CELSR2: variants seen among roughly 807,000 people sequenced by gnomAD.
CELSR2 encodes EGF-like protein 2.
A neutral mutation model predicts 251.6 loss-of-function variants in CELSR2; 81 were observed. That is an observed-to-expected ratio of 0.32 (90% CI 0.27 to 0.39). The LOEUF (loss-of-function observed/expected upper bound fraction) is 0.39. Among genes scored for constraint, CELSR2 ranks in the 10% least tolerant of loss-of-function variants. CELSR2 has a pLI of 1.00. For synonymous variants in CELSR2, 1,721 were observed against 1,670.5 expected, an observed-to-expected ratio of 1.03 and a Z score of -0.74; for missense variants, 3,365 against 3,947.7, an observed-to-expected ratio of 0.85 and a Z score of 3.96.
Position 109,274,242 on chromosome 1 carries a change from C to A in CELSR2, c.*193C>A, listed in dbSNP as rs897232505. 232 of 1,283,050 alleles carry A rather than the reference C, an allele frequency of 1.8e-4. 1 individual carries two copies. The highest frequency in any genetic ancestry group is 2.3e-4 in the Non-Finnish European group (220 of 973,224). The allele number at this position is 1,283,050 out of a possible 1,614,324, so 79.5% of individuals were successfully genotyped here. A position where few individuals can be genotyped will look rare whatever the true frequency, so the allele number is the denominator to read the frequency against. ...CACCTAAGGCCATCTAGTGCCAACT[C>A]CCCCCCCACCATTCCCCTCACTGCA... On this transcript the variant is annotated 3_prime_UTR_variant, in exon 34 of 34. Transcript: ENST00000271332.
In CELSR2 at chr1:109,269,046, C is replaced by A. The variant is rs1227125524; in HGVS notation, c.6631+38C>A. ...CATGGATTGAGTTGGGAGCTGGACCCCAGTGTCTGTGCAGACTCCACAGAG... is the reference window on the plus strand; with the variant it reads ...CATGGATTGAGTTGGGAGCTGGACCACAGTGTCTGTGCAGACTCCACAGAG... On this transcript the variant is annotated intron_variant, in intron 19 of 33. Transcript: ENST00000271332. This position sits in a 1 kb window ranked among gnomAD's most constrained non-coding sequence, Gnocchi z 6.4. The A allele has an allele frequency of 6.2e-7, 1 of 1,601,078 alleles. No individual in the cohort carries two copies. The highest frequency in any genetic ancestry group is 2.2e-5 in the East Asian group (1 of 44,536).
At chr1:109,259,987 T>G (rs990165786) in intron 2 of CELSR2, among the ~76,000 whole-genome samples, 12 of 152,180 alleles carry the variant, frequency 7.9e-5, no homozygotes, top group African/African-American at 2.4e-4. Flanking sequence ...GCCCTGCTCC[T>G]TGTCCTCCAG....
chr1:109,269,022 A>G lies in CELSR2; in HGVS notation c.6631+14A>G. 6.2e-7 allele frequency: 1 copy of G among 1,606,854 alleles called. No individual in the cohort carries two copies. Among genetic ancestry groups the G allele is most frequent in the Non-Finnish European group, 8.5e-7 (1 of 1,174,608 alleles). Reference sequence around the variant, plus strand: ...CTGTCTTCAGAGGTCAGTGGTGGCCATGGATTGAGTTGGGAGCTGGACCCC... The same window carrying G: ...CTGTCTTCAGAGGTCAGTGGTGGCCGTGGATTGAGTTGGGAGCTGGACCCC... On this transcript the variant is annotated intron_variant, in intron 19 of 33. Coordinates refer to ENST00000271332, the MANE Select transcript of CELSR2 (RefSeq NM_001408.3). The surrounding 1 kb of genome is among the most constrained non-coding windows in gnomAD (Gnocchi z 6.4).
At position 109,252,973 on chromosome 1, in the gene CELSR2, T is replaced by C; in HGVS notation, c.2894T>C (p.Ile965Thr). The C allele has an allele frequency of 1.2e-6, 2 of 1,612,582 alleles. No homozygotes were observed. Among genetic ancestry groups the C allele is most frequent in the Non-Finnish European group, 1.7e-6 (2 of 1,179,166 alleles). Residue 965 changes from isoleucine (I) to threonine (T), a missense_variant, in exon 1 of 34, where the codon ATC becomes ACC. Coordinates refer to ENST00000271332, the MANE Select transcript of CELSR2 (RefSeq NM_001408.3). This position sits in a 1 kb window ranked among gnomAD's most constrained non-coding sequence, Gnocchi z 4.8. ...QIMYQIVEGNIPEVFQLDIFS... is the reference protein window; with the variant it reads ...QIMYQIVEGNTPEVFQLDIFS... Reference sequence around the variant, plus strand: ...ATGTACCAGATTGTGGAGGGCAACATCCCTGAGGTCTTTCAGCTGGACATC... The same window carrying C: ...ATGTACCAGATTGTGGAGGGCAACACCCCTGAGGTCTTTCAGCTGGACATC...
At chr1:109,263,416 A>G in intron 8 of CELSR2, 149 bp downstream of exon 8, 1 of 1,391,886 alleles carries the variant, frequency 7.2e-7, no homozygotes, top group Non-Finnish European at 9.6e-7. Flanking sequence ...AGGGCAACAC[A>G]GGAGACAAAG....
Position 109,250,622 on chromosome 1 carries a change from C to T in CELSR2, c.543C>T (p.Phe181=). ...RKRNVNTAPQ[F]QPPSYQATVP... ...GGAATGTAAATACAGCCCCCCAGTTCCAGCCCCCCAGCTACCAGGCCACAG... is the reference window on the plus strand; with the variant it reads ...GGAATGTAAATACAGCCCCCCAGTTTCAGCCCCCCAGCTACCAGGCCACAG... Residue 181 remains phenylalanine, a synonymous_variant, in exon 1 of 34, where the codon TTC becomes TTT. Transcript: ENST00000271332. The surrounding 1 kb of genome is among the most constrained non-coding windows in gnomAD (Gnocchi z 4.4). 1 of 1,613,956 alleles carries T rather than the reference C, an allele frequency of 6.2e-7. No individual in the cohort carries two copies. Among genetic ancestry groups the T allele is most frequent in the South Asian group, 1.1e-5 (1 of 91,062 alleles).
At chr1:109,263,031 G>T in intron 7 of CELSR2, 62 bp downstream of exon 7, 2 of 1,591,568 alleles carry the variant, frequency 1.3e-6, no homozygotes, top group Non-Finnish European at 1.7e-6. Flanking sequence ...GGCTGTGCCT[G>T]GTGTGAGGAT....
rs1200853070 is a variant in CELSR2 at position 109,274,167 on chromosome 1, C to G, written c.*118C>G. The G allele has an allele frequency of 2.4e-5, 38 of 1,598,420 alleles. No individual in the cohort carries two copies. Among genetic ancestry groups the G allele is most frequent in the Non-Finnish European group, 2.8e-5 (33 of 1,174,688 alleles). On this transcript the variant is annotated 3_prime_UTR_variant, in exon 34 of 34. Transcript: ENST00000271332. ...CCCCATCGCCTGCCCGCAGCAGCGA[C>G]GAAACGTCCATCTGAGGAGCCTGGG...
Position 109,252,661 on chromosome 1 carries a change from A to G in CELSR2, c.2582A>G (p.Asp861Gly), listed in dbSNP as rs377135836. The change falls in exon 1 of 34, where the codon GAC becomes GGC. Residue 861 changes from aspartate to glycine, a missense_variant. By Grantham distance (94) the Asp-to-Gly change is moderately conservative. Around this residue, in one of 5 missense-constraint regions of CELSR2, gnomAD observed 505 missense variants for 660.0 expected, o/e 0.77. Transcript: ENST00000271332. The surrounding 1 kb of genome is among the most constrained non-coding windows in gnomAD (Gnocchi z 4.8). ...FYTFQGGDDG[D>G]GDFIVESTSG... ...ACCTTCCAAGGAGGCGACGATGGAGACGGTGACTTTATTGTTGAGTCCACG... is the reference window on the plus strand; with the variant it reads ...ACCTTCCAAGGAGGCGACGATGGAGGCGGTGACTTTATTGTTGAGTCCACG... The G allele has an allele frequency of 3.7e-6, 6 of 1,613,744 alleles. No individual in the cohort carries two copies. The highest frequency in any genetic ancestry group is 1.6e-4 in the Middle Eastern group (1 of 6,084).
chr1:109,249,922 G>T lies in CELSR2; in HGVS notation c.-158G>T. 3 of 586,410 alleles carry T rather than the reference G, an allele frequency of 5.1e-6. No individual in the cohort carries two copies. Among genetic ancestry groups the T allele is most frequent in the East Asian group, 5.4e-5 (1 of 18,382 alleles). 36.3% of individuals were successfully genotyped at this position (586,410 alleles called of 1,614,324 possible). On this transcript the variant is annotated 5_prime_UTR_variant, in exon 1 of 34. Coordinates refer to ENST00000271332, the MANE Select transcript of CELSR2 (RefSeq NM_001408.3). ...GGCTCGTCGGAGGGTGCAGCGCGGG[G>T]TCCCGCCGAGCCATCCAGACGCAGG...
rs747905173 is a variant in CELSR2 at position 109,264,563 on chromosome 1, A to G, written c.5399A>G (p.Asn1800Ser). 3 of 1,614,018 alleles carry G rather than the reference A, an allele frequency of 1.9e-6. No homozygotes were observed. Among genetic ancestry groups the G allele is most frequent in the African/African-American group, 2.7e-5 (2 of 74,916 alleles). The change falls in exon 11 of 34, where the codon AAC (asparagine) becomes AGC (serine). Residue 1800 changes from asparagine to serine, a missense_variant. Physicochemically the swap from Asn to Ser is conservative, Grantham distance 46. Around this residue, in one of 5 missense-constraint regions of CELSR2, gnomAD observed 2,093 missense variants for 2,382.8 expected, o/e 0.88. Transcript: ENST00000271332. Reference sequence around the variant, plus strand: ...AGCCTGCCTGACCCTTGTGACTCAAACCCGTGTCCTGCTAACAGCTATTGC... The same window carrying G: ...AGCCTGCCTGACCCTTGTGACTCAAGCCCGTGTCCTGCTAACAGCTATTGC... ...GCSLPDPCDS[N>S]PCPANSYCSN...
At chr1:109,263,546 G>C in intron 8 of CELSR2, 65 bp from the exon 9 acceptor site, 1 of 1,581,112 alleles carries the variant, frequency 6.3e-7, no homozygotes, top group East Asian at 2.2e-5. Context: ...CCACCGCTGA[G>C]CATCACAGCC....
At chr1:109,266,026 G>A in intron 14 of CELSR2, 79 bp from the exon 15 acceptor site, 2 of 1,591,224 alleles carry the variant, frequency 1.3e-6, no homozygotes, top group South Asian at 2.3e-5. Context: ...GCCTGGGGAG[G>A]CCTAGGGAGG....
chr1:109,265,961 C>G, intron 14 of CELSR2, 43 bp downstream of exon 14: 1 of 1,593,504 alleles, frequency 6.3e-7, no homozygotes, highest in Non-Finnish European at 8.6e-7. Flanking sequence ...TTACAGTGTG[C>G]TAGGCACCTG....
chr1:109,266,909 G>A (rs1557734700), intron 15 of CELSR2, among the ~76,000 whole-genome samples: 1 of 150,724 alleles, frequency 6.6e-6, no homozygotes. Context: ...TTTTAGTAGA[G>A]ACAGGGTTTC....
Position 109,250,893 on chromosome 1 carries a change from C to G in CELSR2, c.814C>G (p.Leu272Val). 6.2e-7 allele frequency: 1 copy of G among 1,614,002 alleles called. No individual in the cohort carries two copies. The highest frequency in any genetic ancestry group is 2.2e-5 in the East Asian group (1 of 44,886). ...QDHGMPRRSA[L>V]ATLTILVTDT... ...CCACGGCATGCCCCGACGAAGTGCC[C>G]TGGCTACACTCACCATCTTGGTTAC... The change falls in exon 1 of 34, where the codon CTG (leucine) becomes GTG (valine). Residue 272 changes from leucine (L) to valine (V), a missense_variant. Physicochemically the swap from Leu to Val is conservative, Grantham distance 32 (BLOSUM62 1). Coordinates refer to ENST00000271332, the MANE Select transcript of CELSR2 (RefSeq NM_001408.3). The surrounding 1 kb of genome is among the most constrained non-coding windows in gnomAD (Gnocchi z 4.4).
Position 109,258,947 on chromosome 1 carries a change from T to G in CELSR2, c.3826T>G (p.Cys1276Gly). 1 of 1,611,758 alleles carries G rather than the reference T, an allele frequency of 6.2e-7. No individual in the cohort carries two copies. Among genetic ancestry groups the G allele is most frequent in the Non-Finnish European group, 8.5e-7 (1 of 1,179,608 alleles). Residue 1276 changes from cysteine to glycine, a missense_variant, in exon 2 of 34, where the codon TGC becomes GGC. Coordinates refer to ENST00000271332, the MANE Select transcript of CELSR2 (RefSeq NM_001408.3). ...IHPVGGLRCR[C>G]PPGFTGDYCE... ...CCCCGTCGGAGGGCTGCGCTGCCGCTGCCCGCCCGGCTTCACGGGTGACTA... is the reference window on the plus strand; with the variant it reads ...CCCCGTCGGAGGGCTGCGCTGCCGCGGCCCGCCCGGCTTCACGGGTGACTA...
chr1:109,267,379 T>C (rs1314319239), intron 15 of CELSR2, among the ~76,000 whole-genome samples, 169 bp from the exon 16 acceptor site: 1 of 152,188 alleles, frequency 6.6e-6, no homozygotes, highest in Non-Finnish European at 1.5e-5. Flanking sequence ...TGCGGAGATT[T>C]TTGGCCCTGG....
chr1:109,253,125 C>T lies in CELSR2; in HGVS notation c.3046C>T (p.Arg1016Cys), dbSNP rs780026173. The change falls in exon 1 of 34, where the codon CGC becomes TGC. Residue 1016 changes from arginine to cysteine, a missense_variant. By Grantham distance (180) the Arg-to-Cys change is radical. Coordinates refer to ENST00000271332, the MANE Select transcript of CELSR2 (RefSeq NM_001408.3). ...TACAGTCCACGTCCGCCTCCTTGAC[C>T]GCAATGACAACCCACCAGTGCTGGG... ...RATVHVRLLD[R>C]NDNPPVLGNF... 8.7e-6 allele frequency: 14 copies of T among 1,613,728 alleles called. No homozygotes were observed. The highest frequency in any genetic ancestry group is 6.7e-5 in the East Asian group (3 of 44,896).
Sources: gnomAD v4.1 joint callset for allele counts (sites outside exome capture counted in the v4.1 genomes callset) on GRCh38, gnomAD v4.1.1 for gene constraint, gnomAD v4.1.1 regional missense constraint, Gnocchi (gnomAD v3.1) non-coding constraint, MANE v1.5 for transcripts, NCBI Gene and HGNC (gene_info 2026-07-23, HGNC 2026-07-21) for gene names.